GTF2E1: variants seen among roughly 807,000 people sequenced by gnomAD.
The protein encoded by GTF2E1 is general transcription factor IIE subunit 1, also known as TFIIE alpha subunit.
Under a neutral mutation model 34.9 loss-of-function variants are expected in GTF2E1, and 14 were observed. The observed-to-expected ratio is 0.40, with a 90% CI of 0.27 to 0.63. GTF2E1 has a LOEUF of 0.63. GTF2E1 is among the 20% of genes least tolerant of loss of function. The pLI is 0.39. For synonymous variants in GTF2E1, 188 were observed against 192.9 expected, an observed-to-expected ratio of 0.97 and a Z score of 0.21; for missense variants, 469 against 557.7, an observed-to-expected ratio of 0.84 and a Z score of 1.60.
chr3:120,776,435 A>G lies in GTF2E1; in HGVS notation c.663A>G (p.Ala221=). The change falls in exon 4 of 5, where the codon GCA becomes GCG. Residue 221 remains alanine, a synonymous_variant. Coordinates refer to ENST00000283875, the MANE Select transcript of GTF2E1 (RefSeq NM_005513.3). ...TCTTTTTATATAGCAAGGACCATGC[A>G]GCAACTACTGCTGGAGCTGCTAGCC... ...IPALKQSKDH[A]ATTAGAASLA... is the part of the protein sequence containing the mutation. 1 of 1,613,262 alleles carries G rather than the reference A, an allele frequency of 6.2e-7. No homozygotes were observed. Among genetic ancestry groups the G allele is most frequent in the Non-Finnish European group, 8.5e-7 (1 of 1,179,632 alleles).
chr3:120,757,903 A>G (rs1428939368), intron 2 of GTF2E1, among the ~76,000 whole-genome samples: 1 of 152,206 alleles, frequency 6.6e-6, no homozygotes, highest in Non-Finnish European at 1.5e-5. Flanking sequence ...AGCTCAACAC[A>G]TGTAATCCCA....
intron 3 of GTF2E1, among the ~76,000 whole-genome samples, chr3:120,772,109 C>T (rs11719207): frequency 0.23 from 34,781 of 152,072 alleles, 4,705 homozygotes; most frequent in Non-Finnish European, 0.3. Context: ...CTAGGTATCA[C>T]GTGCAGATGA....
intron 4 of GTF2E1, 99 bp downstream of exon 4, chr3:120,776,763 C>T (rs1035592470): frequency 5.7e-6 from 6 of 1,057,186 alleles, no homozygotes; most frequent in South Asian, 1.6e-5. Flanking sequence ...ATCTGTTCTA[C>T]AGAACAATTA....
At chr3:120,777,737 A>G (rs1437181268) in intron 4 of GTF2E1, among the ~76,000 whole-genome samples, 3 of 152,066 alleles carry the variant, frequency 2.0e-5, no homozygotes, top group Non-Finnish European at 2.9e-5. Flanking sequence ...CTGCCATGTT[A>G]GTTTTTTTGA....
intron 2 of GTF2E1, among the ~76,000 whole-genome samples, chr3:120,751,798 G>A (rs1464599359): frequency 6.6e-6 from 1 of 152,074 alleles, no homozygotes; most frequent in African/African-American, 2.4e-5. Context: ...AAAATCTATA[G>A]AAGGACTCAG....
At chr3:120,776,739 C>T in intron 4 of GTF2E1, 75 bp downstream of exon 4, 1 of 1,257,474 alleles carries the variant, frequency 8.0e-7, no homozygotes, top group Non-Finnish European at 1.1e-6. Flanking sequence ...GGGAAACTGC[C>T]TGGGCAATTC....
rs367911051 is a variant in GTF2E1, at chr3:120,761,559, G to T, written c.449-9169G>T. ...TCCTGCTTTCTCTTGTGGGCATTTA[G>T]TGCTATAAATTTCCCTCTACACATT... is the stretch of plus-strand genomic sequence containing the variant. On this transcript the variant is annotated intron_variant, in intron 2 of 4. Coordinates refer to ENST00000283875, the MANE Select transcript of GTF2E1 (RefSeq NM_005513.3). 7.9e-4 allele frequency among the ~76,000 whole-genome samples: 120 copies of T among 152,250 alleles called. 1 individual carries two copies. Among genetic ancestry groups the T allele is most frequent in the African/African-American group, 2.8e-3 (116 of 41,554 alleles).
rs764890080 is a variant in GTF2E1, at chr3:120,781,332, C to T, written c.1182C>T (p.Pro394=). The T allele has an allele frequency of 2.0e-5, 33 of 1,614,008 alleles. No homozygotes were observed. Among genetic ancestry groups the T allele is most frequent in the South Asian group, 4.4e-5 (4 of 91,078 alleles). The part of the protein sequence containing the change: ...DDEFEEVADD[P]IVMVAGRPFS... ...AGTTTGAAGAAGTAGCAGATGACCCCATTGTCATGGTGGCTGGCCGTCCGT... is the reference window on the plus strand; with the variant it reads ...AGTTTGAAGAAGTAGCAGATGACCCTATTGTCATGGTGGCTGGCCGTCCGT... Residue 394 remains proline (P), a synonymous_variant, in exon 5 of 5, where the codon CCC becomes CCT. Coordinates refer to ENST00000283875, the MANE Select transcript of GTF2E1 (RefSeq NM_005513.3).
intron 4 of GTF2E1, 87 bp downstream of exon 4, chr3:120,776,751 G>A: frequency 1.7e-6 from 2 of 1,203,358 alleles, no homozygotes; most frequent in Non-Finnish European, 2.4e-6. Flanking sequence ...GGGCAATTCT[G>A]GATCTGTTCT....
chr3:120,762,458 C>A (rs142713926), intron 2 of GTF2E1, among the ~76,000 whole-genome samples: 7 of 152,262 alleles, frequency 4.6e-5, no homozygotes, highest in Admixed American at 4.6e-4. Flanking sequence ...GATCTCTTTA[C>A]CATTATGTAG....
chr3:120,760,360 C>T (rs537922), intron 2 of GTF2E1, among the ~76,000 whole-genome samples: 1 of 152,126 alleles, frequency 6.6e-6, no homozygotes, highest in Non-Finnish European at 1.5e-5. Context: ...AATATACAAT[C>T]ATGTCATCTA....
At chr3:120,778,980 A>T (rs945216191) in intron 4 of GTF2E1, among the ~76,000 whole-genome samples, 1 of 152,154 alleles carries the variant, frequency 6.6e-6, no homozygotes, top group Non-Finnish European at 1.5e-5. Flanking sequence ...AGTACCCACA[A>T]TTGCTTAGCA....
intron 2 of GTF2E1, among the ~76,000 whole-genome samples, chr3:120,760,039 A>G (rs1709246338): frequency 6.6e-6 from 1 of 152,156 alleles, no homozygotes; most frequent in Admixed American, 6.5e-5. Flanking sequence ...CAGGATGGCC[A>G]TTTTCACGAT....
intron 3 of GTF2E1, among the ~76,000 whole-genome samples, chr3:120,773,183 G>T (rs1041806712): frequency 6.6e-6 from 1 of 152,032 alleles, no homozygotes; most frequent in Non-Finnish European, 1.5e-5. Context: ...TGTTACCCAG[G>T]TTATAATGTC....
intron 1 of GTF2E1, among the ~76,000 whole-genome samples, chr3:120,746,412 C>T (rs1485598443): frequency 6.6e-6 from 1 of 151,914 alleles, no homozygotes; most frequent in Non-Finnish European, 1.5e-5. Flanking sequence ...TTGCTTGAAC[C>T]TGTGAGGCAG....
chr3:120,746,158 AAG>A (rs1454345132), intron 1 of GTF2E1, among the ~76,000 whole-genome samples: 7 of 152,322 alleles, frequency 4.6e-5, no homozygotes, highest in South Asian at 4.1e-4. Flanking sequence ...TTCTTATAAA[AAG>A]AGTATTAAAT....
chr3:120,770,398 A>G (rs1004389096), intron 2 of GTF2E1, among the ~76,000 whole-genome samples: 2 of 152,186 alleles, frequency 1.3e-5, no homozygotes, highest in African/African-American at 4.8e-5. Flanking sequence ...AGCTGCCAGG[A>G]AAGGGTACAA....
chr3:120,755,725 C>G (rs1482035728), intron 2 of GTF2E1, among the ~76,000 whole-genome samples: 1 of 152,054 alleles, frequency 6.6e-6, no homozygotes, highest in Non-Finnish European at 1.5e-5. Flanking sequence ...TTCATTCTTT[C>G]TAACTATTTT....
At chr3:120,755,062 C>T (rs894414020) in intron 2 of GTF2E1, among the ~76,000 whole-genome samples, 1 of 152,098 alleles carries the variant, frequency 6.6e-6, no homozygotes, top group Non-Finnish European at 1.5e-5. Context: ...CATGGAAAGA[C>T]TTAGCAACAG....
Sources: gnomAD v4.1 joint callset for allele counts (sites outside exome capture counted in the v4.1 genomes callset) on GRCh38, gnomAD v4.1.1 for gene constraint, MANE v1.5 for transcripts, NCBI Gene and HGNC (gene_info 2026-07-23, HGNC 2026-07-21) for gene names.